Variants in MIS18A observed in about 807,000 individuals in gnomAD.
The protein encoded by MIS18A is protein Mis18-alpha.
A neutral mutation model predicts 25.0 loss-of-function variants in MIS18A; 14 were observed. The observed-to-expected ratio is 0.56, with a 90% CI of 0.37 to 0.88. The LOEUF (loss-of-function observed/expected upper bound fraction) is 0.88. MIS18A is among the 40% of genes least tolerant of loss of function. MIS18A has a pLI of 0.00. For synonymous variants in MIS18A, 134 were observed against 118.6 expected, an observed-to-expected ratio of 1.13 and a Z score of -0.84; for missense variants, 292 against 290.8, an observed-to-expected ratio of 1.00 and a Z score of -0.03.
the MIS18A span, among the ~76,000 whole-genome samples, chr21:32,234,600 C>G: frequency 6.6e-6 from 1 of 152,198 alleles, no homozygotes; most frequent in Non-Finnish European, 1.5e-5. Context: ...GTGGGACCCC[C>G]TCATGACTGG....
At chr21:32,251,513 AC>A in the MIS18A span, among the ~76,000 whole-genome samples, 9 of 151,800 alleles carry the variant, frequency 5.9e-5, no homozygotes, top group South Asian at 1.9e-3. Context: ...CTCCCCCACC[AC>A]CCAAGCACCC....
At chr21:32,249,154 T>C in the MIS18A span, among the ~76,000 whole-genome samples, 2 of 152,206 alleles carry the variant, frequency 1.3e-5, no homozygotes, top group East Asian at 3.9e-4. Context: ...ATCTTGTATT[T>C]CAACGTGGAT....
At chr21:32,156,609 T>G in the MIS18A span, 1 of 152,206 alleles carries the variant, frequency 6.6e-6, no homozygotes, top group Non-Finnish European at 1.5e-5. Flanking sequence ...TGTTTAAATA[T>G]TTCACATTTT....
At chr21:32,246,378 T>G in the MIS18A span, among the ~76,000 whole-genome samples, 2 of 152,136 alleles carry the variant, frequency 1.3e-5, no homozygotes, top group African/African-American at 2.4e-5. Context: ...CGCCCCTTCT[T>G]CCCTGGCCTC....
chr21:32,213,972 T>TG, the MIS18A span, among the ~76,000 whole-genome samples: 1 of 152,266 alleles, frequency 6.6e-6, no homozygotes, highest in African/African-American at 2.4e-5. Context: ...TGAATATCTT[T>TG]GGGGGTTCAT....
At chr21:32,196,567 G>C in the MIS18A span, among the ~76,000 whole-genome samples, 6 of 150,434 alleles carry the variant, frequency 4.0e-5, no homozygotes, top group South Asian at 4.2e-4. Flanking sequence ...CAATTCACCT[G>C]CCTCAGCATC....
At chr21:32,173,587 T>C in the MIS18A span, among the ~76,000 whole-genome samples, 1 of 152,196 alleles carries the variant, frequency 6.6e-6, no homozygotes, top group Non-Finnish European at 1.5e-5. Context: ...GGTATATACA[T>C]ACTCTGGAAT....
chr21:32,198,184 C>T, the MIS18A span, among the ~76,000 whole-genome samples: 6 of 152,076 alleles, frequency 3.9e-5, no homozygotes, highest in East Asian at 1.9e-4. Context: ...AGGGTGTGCA[C>T]GTGCATGTGC....
the MIS18A span, among the ~76,000 whole-genome samples, chr21:32,252,231 A>AG: frequency 6.1e-4 from 30 of 49,286 alleles, no homozygotes; most frequent in African/African-American, 1.9e-3. Context: ...AAGAAGAAGA[A>AG]GAAGAAGAAG....
downstream of MIS18A, among the ~76,000 whole-genome samples, chr21:32,266,973 C>CAT (rs887829928): frequency 1.6e-4 from 24 of 147,684 alleles, no homozygotes; most frequent in African/African-American, 6.1e-4. Context: ...GTTAAACACA[C>CAT]ACACACACAC....
intron 2 of MIS18A, among the ~76,000 whole-genome samples, chr21:32,274,486 G>A (rs569881054): frequency 2.0e-5 from 3 of 152,060 alleles, no homozygotes; most frequent in South Asian, 2.1e-4. Flanking sequence ...GATTACAGGC[G>A]TGAGCCACCG....
At chr21:32,259,273 C>T in the MIS18A span, among the ~76,000 whole-genome samples, 6 of 152,166 alleles carry the variant, frequency 3.9e-5, no homozygotes, top group Non-Finnish European at 7.3e-5. Context: ...AGGGCCTCCT[C>T]GCTCCAAGAC....
chr21:32,247,583 G>A, the MIS18A span, among the ~76,000 whole-genome samples: 3 of 152,288 alleles, frequency 2.0e-5, no homozygotes, highest in Admixed American at 6.5e-5. Flanking sequence ...AACCATATTC[G>A]GATGTAGGGT....
Position 32,274,100 on chromosome 21 carries a change from A to G in MIS18A, c.401+730T>C, listed in dbSNP as rs536768430. Reference sequence around the variant, plus strand: ...AATAGGCTGTGTGTGTGACAGCAGCATTTTATGTGTGTGCCATAACATGAG... The same window carrying G: ...AATAGGCTGTGTGTGTGACAGCAGCGTTTTATGTGTGTGCCATAACATGAG... On this transcript the variant is annotated intron_variant, in intron 2 of 4. Coordinates refer to ENST00000290130, the MANE Select transcript of MIS18A (RefSeq NM_018944.3). 2.7e-4 allele frequency among the ~76,000 whole-genome samples: 41 copies of G among 151,578 alleles called. No homozygotes were observed. In the South Asian group the frequency reaches 8.5e-3, roughly 31 times the overall value.
the MIS18A span, among the ~76,000 whole-genome samples, chr21:32,223,565 C>T: frequency 2.6e-5 from 4 of 152,102 alleles, no homozygotes; most frequent in African/African-American, 9.7e-5. Flanking sequence ...TACACCCTCC[C>T]AAGACTAAAC....
chr21:32,161,999 C>T, the MIS18A span, among the ~76,000 whole-genome samples: 2 of 151,950 alleles, frequency 1.3e-5, no homozygotes, highest in Non-Finnish European at 2.9e-5. Context: ...AGACACTGTC[C>T]TAGTTAATAC....
At chr21:32,219,923 T>C in the MIS18A span, among the ~76,000 whole-genome samples, 1 of 152,204 alleles carries the variant, frequency 6.6e-6, no homozygotes, top group Non-Finnish European at 1.5e-5. Context: ...ACTGCCTCTC[T>C]AGATTCTTCC....
chr21:32,269,929 C>G lies in MIS18A; in HGVS notation c.525-126G>C, dbSNP rs141352286. 6.2e-6 allele frequency: 4 copies of G among 641,206 alleles called. No individual in the cohort carries two copies. In the Admixed American group the frequency reaches 8.4e-5, roughly 14 times the overall value. The allele number at this position is 641,206 out of a possible 1,614,324, so 39.7% of individuals were successfully genotyped here. ...GAGTTTGAAACCAGCCTGGGCAACACAAGACCCCGGGCAATATGCCTGTAG... is the reference window on the plus strand; with the variant it reads ...GAGTTTGAAACCAGCCTGGGCAACAGAAGACCCCGGGCAATATGCCTGTAG... On this transcript the variant is annotated intron_variant, in intron 3 of 4. Transcript: ENST00000290130.
chr21:32,196,583 T>C, the MIS18A span, among the ~76,000 whole-genome samples: 2 of 151,860 alleles, frequency 1.3e-5, no homozygotes, highest in Non-Finnish European at 2.9e-5. Flanking sequence ...GCATCCCAAG[T>C]AGTTGGGACT....
Sources: gnomAD v4.1 joint callset for allele counts (sites outside exome capture counted in the v4.1 genomes callset) on GRCh38, gnomAD v4.1.1 for gene constraint, MANE v1.5 for transcripts, NCBI Gene and HGNC (gene_info 2026-07-23, HGNC 2026-07-21) for gene names.